The following CENPW variants were observed in gnomAD, a reference collection of about 807,000 sequenced individuals.
CENPW encodes cancer-up-regulated gene 2 protein.
In CENPW, 3 loss-of-function variants were observed where a neutral mutation model predicts 11.1. That is an observed-to-expected ratio of 0.27 (90% CI 0.12 to 0.70). The LOEUF is 0.70. Ranked by LOEUF, CENPW falls within the 30% of genes least tolerant of loss-of-function variation. CENPW has a pLI of 0.77. For synonymous variants in CENPW, 38 were observed against 42.0 expected (o/e 0.91, Z 0.37); for missense variants, 100 against 105.6 (o/e 0.95, Z 0.23).
At chr6:126,369,016 T>C in the CENPW span, among the ~76,000 whole-genome samples, 1 of 152,146 alleles carries the variant, frequency 6.6e-6, no homozygotes, top group African/African-American at 2.4e-5. Context: ...TAGCTCCCAC[T>C]TATGAGTGAG....
the CENPW span, among the ~76,000 whole-genome samples, chr6:126,407,837 T>C: frequency 6.6e-6 from 1 of 152,238 alleles, no homozygotes; most frequent in South Asian, 2.1e-4. Context: ...ATTAGACCTT[T>C]GTCAGATGAA....
downstream of CENPW, among the ~76,000 whole-genome samples, chr6:126,352,466 C>T (rs1303364597): frequency 1.3e-5 from 2 of 152,066 alleles, no homozygotes; most frequent in African/African-American, 4.8e-5. Context: ...TGAGATACTC[C>T]AGTTATCACC....
At chr6:126,447,899 C>T in the CENPW span, among the ~76,000 whole-genome samples, 6 of 151,422 alleles carry the variant, frequency 4.0e-5, no homozygotes, top group African/African-American at 1.4e-4. Context: ...TTCACTGTTC[C>T]ACTTCTTGTG....
chr6:126,465,002 T>C, the CENPW span, among the ~76,000 whole-genome samples: 1 of 151,926 alleles, frequency 6.6e-6, no homozygotes, highest in South Asian at 2.1e-4. Context: ...GTACTGGAGG[T>C]TCTAGTGAGT....
chr6:126,458,718 G>T, the CENPW span, among the ~76,000 whole-genome samples: 1 of 151,284 alleles, frequency 6.6e-6, no homozygotes, highest in Non-Finnish European at 1.5e-5. Flanking sequence ...AAGGAGGTCT[G>T]CCTGGAGAAA....
chr6:126,401,845 T>C, the CENPW span, among the ~76,000 whole-genome samples: 1 of 152,078 alleles, frequency 6.6e-6, no homozygotes, highest in African/African-American at 2.4e-5. Context: ...TGGAGTGGAT[T>C]CCTCTTATGT....
the CENPW span, among the ~76,000 whole-genome samples, chr6:126,363,191 G>A: frequency 2.0e-5 from 3 of 152,248 alleles, no homozygotes; most frequent in Non-Finnish European, 4.4e-5. Flanking sequence ...AAAGTGGTTC[G>A]TATTCAGATG....
At chr6:126,473,472 C>T in the CENPW span, among the ~76,000 whole-genome samples, 5 of 152,088 alleles carry the variant, frequency 3.3e-5, no homozygotes, top group Admixed American at 1.3e-4. Context: ...TGACTCATTC[C>T]GGTAATCTCA....
the CENPW span, among the ~76,000 whole-genome samples, chr6:126,417,367 G>A: frequency 6.6e-6 from 1 of 152,200 alleles, no homozygotes; most frequent in Admixed American, 6.5e-5. Flanking sequence ...GGACTTTTGA[G>A]TTAATGTTGA....
At chr6:126,402,135 A>G in the CENPW span, among the ~76,000 whole-genome samples, 1,743 of 152,108 alleles carry the variant, frequency 0.011, 36 homozygotes, top group African/African-American at 0.038. Flanking sequence ...TAAGTTTTGC[A>G]CTTCCTATGC....
At chr6:126,393,367 C>T in the CENPW span, among the ~76,000 whole-genome samples, 21,157 of 151,468 alleles carry the variant, frequency 0.14, 1,814 homozygotes, top group Non-Finnish European at 0.18. Flanking sequence ...CTTTAAGATG[C>T]ACTGTTAGGT....
chr6:126,425,365 C>G, the CENPW span, among the ~76,000 whole-genome samples: 1 of 152,056 alleles, frequency 6.6e-6, no homozygotes, highest in African/African-American at 2.4e-5. Context: ...TCTTTCTTCT[C>G]TCGCTCTTTT....
At chr6:126,417,239 T>C in the CENPW span, among the ~76,000 whole-genome samples, 1 of 152,160 alleles carries the variant, frequency 6.6e-6, no homozygotes, top group South Asian at 2.1e-4. Context: ...ATTTCTCCCA[T>C]TTGGAATGGC....
At chr6:126,344,037 T>G (rs1209923580) in intron 1 of CENPW, among the ~76,000 whole-genome samples, 5 of 152,122 alleles carry the variant, frequency 3.3e-5, no homozygotes, top group African/African-American at 1.2e-4. Context: ...AAAAAAAATT[T>G]TTTTGCCTTA....
intron 1 of CENPW, among the ~76,000 whole-genome samples, chr6:126,345,657 T>G (rs1780394102): frequency 7.3e-6 from 1 of 136,382 alleles, no homozygotes; most frequent in South Asian, 2.8e-4. Context: ...ATGGTTATTT[T>G]ATGATAGTTG....
chr6:126,382,250 T>C, the CENPW span, among the ~76,000 whole-genome samples: 4 of 151,310 alleles, frequency 2.6e-5, no homozygotes, highest in African/African-American at 7.3e-5. Flanking sequence ...AAAATATATA[T>C]ATATATACCT....
In CENPW at chr6:126,348,714, C is replaced by G. The variant is rs749865068; in HGVS notation, c.*222C>G. The G allele has an allele frequency of 4.0e-5, 13 of 322,264 alleles. No individual in the cohort carries two copies. Among genetic ancestry groups the G allele is most frequent in the Non-Finnish European group, 6.2e-5 (11 of 176,740 alleles). 20.0% of individuals were successfully genotyped at this position (322,264 alleles called of 1,614,324 possible). A position where few individuals can be genotyped will look rare whatever the true frequency, so the allele number is the denominator to read the frequency against. On this transcript the variant is annotated 3_prime_UTR_variant, in exon 3 of 3. Coordinates refer to ENST00000368328, the MANE Select transcript of CENPW (RefSeq NM_001012507.4). ...CTATTATTTTTATTTTAAATGTCCT[C>G]TAGTTCAGTTTGCTTTTGTTTTGTT...
At chr6:126,408,286 C>T in the CENPW span, among the ~76,000 whole-genome samples, 2 of 152,226 alleles carry the variant, frequency 1.3e-5, no homozygotes, top group Non-Finnish European at 2.9e-5. Flanking sequence ...TTAATGGACT[C>T]ACAATTTCAC....
the CENPW span, among the ~76,000 whole-genome samples, chr6:126,417,062 A>G: frequency 1.3e-5 from 2 of 152,208 alleles, no homozygotes; most frequent in Non-Finnish European, 1.5e-5. Context: ...GTACTCTTCA[A>G]AGCCACAGGG....
Sources: allele counts gnomAD v4.1 joint callset (sites outside exome capture counted in the v4.1 genomes callset), GRCh38; gene constraint gnomAD v4.1.1; transcripts MANE v1.5; gene names NCBI Gene and HGNC (gene_info 2026-07-23, HGNC 2026-07-21).